GALK2: variants seen among roughly 807,000 people sequenced by gnomAD.
GALK2 encodes the protein galactokinase 2.
GALK2 carries 36 observed loss-of-function variants against 52.4 expected under a neutral mutation model. The observed-to-expected ratio is 0.69, with a 90% CI of 0.53 to 0.91. The LOEUF (loss-of-function observed/expected upper bound fraction) is 0.91, where lower values mean the gene tolerates loss of function less well. Ranked by LOEUF, GALK2 falls within the 40% of genes least tolerant of loss-of-function variation. The probability of loss-of-function intolerance (pLI) is 0.00; values close to 1 mark genes in which losing one functional copy is unlikely to be tolerated. For synonymous variants in GALK2, 176 were observed against 199.1 expected, an observed-to-expected ratio of 0.88 and a Z score of 0.98; for missense variants, 579 against 559.1, an observed-to-expected ratio of 1.04 and a Z score of -0.36.
chr15:49,155,833 G>A (rs2084430392), exon 1 of GALK2: 2 of 782,510 alleles, frequency 2.6e-6, no homozygotes, highest in African/African-American at 3.5e-5. Flanking sequence ...GGTGCTGCAG[G>A]TCTCAGCCGA....
intron 5 of GALK2, among the ~76,000 whole-genome samples, chr15:49,271,745 T>C (rs2030665138): frequency 6.6e-6 from 1 of 152,230 alleles, no homozygotes; most frequent in Non-Finnish European, 1.5e-5. Context: ...ATTACAATTA[T>C]TGGGCTACAG....
chr15:49,204,830 A>G (rs911286642), intron 2 of GALK2, among the ~76,000 whole-genome samples: 2 of 152,092 alleles, frequency 1.3e-5, no homozygotes, highest in African/African-American at 4.8e-5. Flanking sequence ...CTGTATTTGT[A>G]GTCTTCTATC....
At chr15:49,306,441 A>G (rs964363749) in intron 8 of GALK2, among the ~76,000 whole-genome samples, 2 of 152,156 alleles carry the variant, frequency 1.3e-5, no homozygotes, top group East Asian at 1.9e-4. Context: ...CCTTATTATT[A>G]TTTAATTTTG....
Position 49,329,820 on chromosome 15 carries a change from A to AG in GALK2, c.*1661_*1662insG. Reference sequence around the variant, plus strand: ...CTGGATCAGTGTAAAAAAAAAAAAAAAAAGGCACCTGTCATTGTTTTGCTG... The same window carrying AG: ...CTGGATCAGTGTAAAAAAAAAAAAAAGAAAGGCACCTGTCATTGTTTTGCTG... On this transcript the variant is annotated 3_prime_UTR_variant, in exon 10 of 10. Coordinates refer to ENST00000560031, the MANE Select transcript of GALK2 (RefSeq NM_002044.4). 1.1e-6 allele frequency: 1 copy of AG among 882,946 alleles called. No individual in the cohort carries two copies. The highest frequency in any genetic ancestry group is 1.4e-6 in the Non-Finnish European group (1 of 736,984). 54.7% of individuals were successfully genotyped at this position (882,946 alleles called of 1,614,324 possible). A position where few individuals can be genotyped will look rare whatever the true frequency, so the allele number is the denominator to read the frequency against.
intron 3 of GALK2, among the ~76,000 whole-genome samples, chr15:49,221,666 C>T (rs961656217): frequency 6.6e-6 from 1 of 151,064 alleles, no homozygotes; most frequent in African/African-American, 2.4e-5. Flanking sequence ...AAATCTCTGT[C>T]TTGAAAAAAA....
chr15:49,173,471 C>A (rs547214724), intron 1 of GALK2, among the ~76,000 whole-genome samples: 2 of 152,094 alleles, frequency 1.3e-5, no homozygotes, highest in Non-Finnish European at 2.9e-5. Flanking sequence ...AAAGTATATT[C>A]AGTAAAGCCT....
At chr15:49,192,746 A>G (rs2086865140) in intron 1 of GALK2, among the ~76,000 whole-genome samples, 1 of 151,552 alleles carries the variant, frequency 6.6e-6, no homozygotes, top group Admixed American at 6.6e-5. Context: ...ATAGTATCTC[A>G]GTGTAGTTTT....
chr15:49,247,672 G>A (rs1003329877), intron 5 of GALK2, among the ~76,000 whole-genome samples: 15 of 152,190 alleles, frequency 9.9e-5, no homozygotes, highest in African/African-American at 3.6e-4. Flanking sequence ...AATGTTAAAG[G>A]AAGGAAAGGC....
intron 5 of GALK2, among the ~76,000 whole-genome samples, chr15:49,239,913 A>G (rs1399176987): frequency 6.6e-6 from 1 of 152,252 alleles, no homozygotes; most frequent in Non-Finnish European, 1.5e-5. Flanking sequence ...CTGACTCTGC[A>G]GTTTAGAGCA....
At chr15:49,223,660 G>C (rs2089959761) in intron 3 of GALK2, among the ~76,000 whole-genome samples, 2 of 152,126 alleles carry the variant, frequency 1.3e-5, no homozygotes, top group African/African-American at 4.8e-5. Context: ...TTCTTCCTGT[G>C]TTAATTTGCT....
chr15:49,196,657 T>C (rs1443282380), intron 1 of GALK2, among the ~76,000 whole-genome samples: 1 of 152,216 alleles, frequency 6.6e-6, no homozygotes, highest in African/African-American at 2.4e-5. Context: ...GTCTTTTCTC[T>C]GTGTTTTTGG....
chr15:49,278,177 C>G (rs938386892), intron 5 of GALK2, among the ~76,000 whole-genome samples: 25 of 152,216 alleles, frequency 1.6e-4, no homozygotes, highest in Non-Finnish European at 3.1e-4. Flanking sequence ...AGGAGAATGG[C>G]GTGAACCCGG....
chr15:49,168,742 T>A (rs1000639689), upstream of GALK2, among the ~76,000 whole-genome samples: 2 of 149,502 alleles, frequency 1.3e-5, no homozygotes, highest in African/African-American at 5.0e-5. Context: ...AAGATTCTGT[T>A]CTTTTCTGTA....
chr15:49,276,675 C>G (rs2031719732), intron 5 of GALK2, among the ~76,000 whole-genome samples: 1 of 152,216 alleles, frequency 6.6e-6, no homozygotes, highest in African/African-American at 2.4e-5. Flanking sequence ...ATGTCTCCCT[C>G]ACATCATCCA....
chr15:49,159,584 A>T (rs2084578687), intron 1 of GALK2, among the ~76,000 whole-genome samples: 1 of 151,850 alleles, frequency 6.6e-6, no homozygotes, highest in Non-Finnish European at 1.5e-5. Flanking sequence ...TCAAAAAAAA[A>T]AAAAAAAATA....
At chr15:49,343,925 T>G (rs1017195313) in intron 3 of GALK2, 1 of 152,230 alleles carries the variant, frequency 6.6e-6, no homozygotes, top group East Asian at 1.9e-4. Context: ...CTGCATGGTA[T>G]TATTTAAAAA....
rs929807345 is a variant in GALK2, at chr15:49,310,338, C to G, written c.968-9266C>G. On this transcript the variant is annotated intron_variant, in intron 8 of 9. Coordinates refer to ENST00000560031, the MANE Select transcript of GALK2 (RefSeq NM_002044.4). Reference sequence around the variant, plus strand: ...ATCTTGGCTATTGTGAATAGTGCTGCAATAAACATGGGGTACAGATAGCCC... The same window carrying G: ...ATCTTGGCTATTGTGAATAGTGCTGGAATAAACATGGGGTACAGATAGCCC... Among the ~76,000 whole-genome samples, 3 of 152,110 alleles carry G rather than the reference C, an allele frequency of 2.0e-5. No individual in the cohort carries two copies. In the South Asian group the frequency reaches 6.2e-4, roughly 31 times the overall value.
intron 8 of GALK2, among the ~76,000 whole-genome samples, chr15:49,300,158 T>A (rs2034984129): frequency 6.6e-6 from 1 of 152,120 alleles, no homozygotes; most frequent in Non-Finnish European, 1.5e-5. Context: ...AGTTAAGTCA[T>A]CTTGCTGAAT....
chr15:49,188,816 T>C (rs975780623), intron 1 of GALK2, among the ~76,000 whole-genome samples: 4 of 152,232 alleles, frequency 2.6e-5, no homozygotes, highest in African/African-American at 9.7e-5. Context: ...AATGCTGTAA[T>C]CAGCTTTTAT....
Sources: allele counts gnomAD v4.1 joint callset (sites outside exome capture counted in the v4.1 genomes callset), GRCh38; gene constraint gnomAD v4.1.1; transcripts MANE v1.5; gene names NCBI Gene and HGNC (gene_info 2026-07-23, HGNC 2026-07-21).